PSTPIP2: variants seen among roughly 807,000 people sequenced by gnomAD.
PSTPIP2 encodes proline-serine-threonine phosphatase-interacting protein 2.
A neutral mutation model predicts 63.3 loss-of-function variants in PSTPIP2; 33 were observed. The observed-to-expected ratio is 0.52, with a 90% CI of 0.40 to 0.70. The LOEUF (loss-of-function observed/expected upper bound fraction) is 0.70. Among genes scored for constraint, PSTPIP2 ranks in the 30% least tolerant of loss-of-function variants. The probability of loss-of-function intolerance (pLI) is 0.00; values close to 1 mark genes in which losing one functional copy is unlikely to be tolerated. For synonymous variants in PSTPIP2, 125 were observed against 132.7 expected (o/e 0.94, Z 0.40); for missense variants, 312 against 400.7 (o/e 0.78, Z 1.89).
chr18:46,001,289 A>T (rs998689094), intron 6 of PSTPIP2, among the ~76,000 whole-genome samples: 1 of 152,160 alleles, frequency 6.6e-6, no homozygotes, highest in Non-Finnish European at 1.5e-5. Context: ...CAGCCATCCT[A>T]ACTGGGGTGA....
At chr18:46,067,788 C>T (rs1909245955) in intron 1 of PSTPIP2, among the ~76,000 whole-genome samples, 1 of 152,236 alleles carries the variant, frequency 6.6e-6, no homozygotes, top group Non-Finnish European at 1.5e-5. Context: ...GTGGAGCTCT[C>T]TGAACCTTTA....
At chr18:46,056,714 G>A (rs1386109865) in intron 1 of PSTPIP2, among the ~76,000 whole-genome samples, 1 of 150,946 alleles carries the variant, frequency 6.6e-6, no homozygotes, top group African/African-American at 2.4e-5. Context: ...GCAGAAGAGT[G>A]AGACCCTGTC....
At chr18:46,019,016 C>G (rs1427221789) in intron 3 of PSTPIP2, among the ~76,000 whole-genome samples, 1 of 152,036 alleles carries the variant, frequency 6.6e-6, no homozygotes, top group Non-Finnish European at 1.5e-5. Flanking sequence ...CCCTTATAAT[C>G]AACTCCCCTT....
intron 12 of PSTPIP2, 125 bp downstream of exon 12, chr18:45,991,777 G>A (rs1808282669): frequency 3.3e-6 from 3 of 914,396 alleles, no homozygotes. Flanking sequence ...TTTCCAAAAA[G>A]CAAGCAGCCT....
In PSTPIP2 at chr18:46,016,482, C is replaced by T. The variant is rs144848074; in HGVS notation, c.213-545G>A. Among the ~76,000 whole-genome samples, 22 of 152,348 alleles carry T rather than the reference C, an allele frequency of 1.4e-4. No homozygotes were observed. The East Asian group carries it at 2.7e-3, about 19-fold the overall frequency. ...CATTTACATTCATTTAGTCAATAAT[C>T]ATATATTTATTGACCATAAACCATG... On this transcript the variant is annotated intron_variant, in intron 3 of 14. Transcript: ENST00000409746.
At chr18:46,028,576 CAG>C in intron 2 of PSTPIP2, 1 of 750,178 alleles carries the variant, frequency 1.3e-6, no homozygotes, top group Non-Finnish European at 2.3e-6. Context: ...TTGGGAGACT[CAG>C]AAGCGGAGAA....
chr18:46,026,705 G>A (rs1907591406), intron 2 of PSTPIP2, among the ~76,000 whole-genome samples: 2 of 151,934 alleles, frequency 1.3e-5, no homozygotes, highest in South Asian at 2.1e-4. Context: ...GCAAGACCGC[G>A]CCTCTACAAA....
chr18:46,007,711 A>G (rs538512697), intron 5 of PSTPIP2, among the ~76,000 whole-genome samples: 1 of 152,334 alleles, frequency 6.6e-6, no homozygotes, highest in Non-Finnish European at 1.5e-5. Context: ...TGTAAGATCT[A>G]TATAACACTT....
At chr18:46,066,127 C>T (rs574900480) in intron 1 of PSTPIP2, among the ~76,000 whole-genome samples, 1 of 151,888 alleles carries the variant, frequency 6.6e-6, no homozygotes. Context: ...ATTGCTTGAG[C>T]TCAGGAGTTT....
chr18:46,065,658 G>T (rs1242669937), intron 1 of PSTPIP2, among the ~76,000 whole-genome samples: 2 of 152,136 alleles, frequency 1.3e-5, no homozygotes, highest in Non-Finnish European at 2.9e-5. Flanking sequence ...GTAGAGACAG[G>T]GTTTCACCAT....
intron 2 of PSTPIP2, among the ~76,000 whole-genome samples, chr18:46,027,606 C>T (rs970885430): frequency 6.6e-6 from 1 of 152,082 alleles, no homozygotes; most frequent in African/African-American, 2.4e-5. Context: ...AGGAGGATCA[C>T]TTGAGCCTGG....
intron 3 of PSTPIP2, 115 bp downstream of exon 3, chr18:46,024,494 A>C (rs1907505332): frequency 3.4e-6 from 3 of 872,808 alleles, no homozygotes; most frequent in Admixed American, 4.2e-5. Flanking sequence ...ATCTCCAAAA[A>C]AATTTTTTTT....
At chr18:46,020,061 A>G (rs1408328093) in intron 3 of PSTPIP2, among the ~76,000 whole-genome samples, 5 of 152,152 alleles carry the variant, frequency 3.3e-5, no homozygotes, top group African/African-American at 1.2e-4. Flanking sequence ...CCCCTAAAAG[A>G]GCAGCCCCAT....
intron 1 of PSTPIP2, 53 bp downstream of exon 1, chr18:46,072,103 C>G: frequency 6.6e-7 from 1 of 1,512,386 alleles, no homozygotes; most frequent in East Asian, 2.8e-5. Flanking sequence ...CGTTGGCCTC[C>G]CGCCCGGGCC....
chr18:46,012,027 T>C (rs2051801637), intron 4 of PSTPIP2, among the ~76,000 whole-genome samples: 1 of 152,152 alleles, frequency 6.6e-6, no homozygotes, highest in Admixed American at 6.5e-5. Flanking sequence ...CAATTAGCTA[T>C]ATCAAAAGAG....
At chr18:45,990,874 C>A in intron 12 of PSTPIP2, 118 bp from the exon 13 acceptor site, 1 of 745,104 alleles carries the variant, frequency 1.3e-6, no homozygotes, top group South Asian at 2.0e-5. Context: ...ACTGGAGGGT[C>A]AAGAAAGCTC....
intron 1 of PSTPIP2, among the ~76,000 whole-genome samples, chr18:46,063,851 G>A (rs1909077023): frequency 6.6e-6 from 1 of 152,306 alleles, no homozygotes; most frequent in East Asian, 1.9e-4. Context: ...AGCTATGACT[G>A]ACAGAGTGAA....
chr18:46,052,758 C>T (rs941647189), intron 1 of PSTPIP2, among the ~76,000 whole-genome samples: 56 of 152,116 alleles, frequency 3.7e-4, no homozygotes, highest in African/African-American at 1.3e-3. Context: ...ACTTTTTGAA[C>T]CAGAAATGAA....
intron 1 of PSTPIP2, among the ~76,000 whole-genome samples, chr18:46,069,891 A>G (rs532106528): frequency 1.3e-5 from 2 of 152,046 alleles, no homozygotes; most frequent in South Asian, 4.2e-4. Context: ...CGATCTCTTC[A>G]TTCTTTCTCC....
Sources: allele counts gnomAD v4.1 joint callset (sites outside exome capture counted in the v4.1 genomes callset), GRCh38; gene constraint gnomAD v4.1.1; transcripts MANE v1.5; gene names NCBI Gene and HGNC (gene_info 2026-07-23, HGNC 2026-07-21).